Variants in PDE10A observed in about 807,000 individuals in gnomAD.
PDE10A encodes phosphodiesterase 10A, also known as cAMP and cAMP-inhibited cGMP 3',5'-cyclic phosphodiesterase 10A.
PDE10A carries 39 observed loss-of-function variants against 97.7 expected under a neutral mutation model. The ratio of observed to expected loss-of-function variants is 0.40; its 90% confidence interval spans 0.31 to 0.52. PDE10A has a LOEUF of 0.52. Among genes scored for constraint, PDE10A ranks in the 20% least tolerant of loss-of-function variants. The pLI, the probability that PDE10A is intolerant of heterozygous loss-of-function variation, is 0.56. For missense variants in PDE10A, 731 were observed against 1,047.8 expected, an observed-to-expected ratio of 0.70 and a Z score of 4.17; for synonymous variants, 371 against 376.8, an observed-to-expected ratio of 0.98 and a Z score of 0.18.
chr6:165,487,163 T>A (rs1303367946), intron 2 of PDE10A, among the ~76,000 whole-genome samples: 3 of 152,200 alleles, frequency 2.0e-5, no homozygotes, highest in Non-Finnish European at 2.9e-5. Context: ...TGAGACAACT[T>A]CAAATCTCCA....
chr6:165,650,586 C>T (rs1177485815), intron 1 of PDE10A, among the ~76,000 whole-genome samples: 1 of 152,196 alleles, frequency 6.6e-6, no homozygotes, highest in African/African-American at 2.4e-5. Context: ...TACACTGCTG[C>T]AAATGTTATT....
At chr6:165,584,217 C>G (rs1046897358) in intron 1 of PDE10A, among the ~76,000 whole-genome samples, 1 of 152,198 alleles carries the variant, frequency 6.6e-6, no homozygotes, top group Non-Finnish European at 1.5e-5. Flanking sequence ...GGTGCACAGT[C>G]AGTGCACTGC....
At chr6:165,850,824 A>T (rs1187462771) in intron 1 of PDE10A, among the ~76,000 whole-genome samples, 1 of 152,260 alleles carries the variant, frequency 6.6e-6, no homozygotes, top group African/African-American at 2.4e-5. Context: ...TTAAAGAATC[A>T]AGATTATTTT....
At chr6:165,860,059 G>C (rs971265784) in intron 1 of PDE10A, among the ~76,000 whole-genome samples, 1 of 152,188 alleles carries the variant, frequency 6.6e-6, no homozygotes, top group Non-Finnish European at 1.5e-5. Flanking sequence ...GGAAAGGGCA[G>C]AGGGATAAAA....
At chr6:165,716,336 G>A (rs1247504776) in intron 1 of PDE10A, among the ~76,000 whole-genome samples, 1 of 152,220 alleles carries the variant, frequency 6.6e-6, no homozygotes, top group East Asian at 1.9e-4. Flanking sequence ...GCCATGCAGA[G>A]AGGACACTTC....
chr6:165,674,369 A>T (rs1583761496), intron 1 of PDE10A, among the ~76,000 whole-genome samples: 1 of 151,038 alleles, frequency 6.6e-6, no homozygotes, highest in African/African-American at 2.4e-5. Context: ...GTCAGAATAG[A>T]CCTGGCCTTA....
At chr6:165,787,152 A>G (rs1275477752) in intron 1 of PDE10A, among the ~76,000 whole-genome samples, 1 of 152,202 alleles carries the variant, frequency 6.6e-6, no homozygotes, top group African/African-American at 2.4e-5. Flanking sequence ...AATTTAATAA[A>G]TTCCCCAAGT....
intron 1 of PDE10A, among the ~76,000 whole-genome samples, chr6:165,644,248 A>G (rs551217878): frequency 6.6e-6 from 1 of 152,086 alleles, no homozygotes; most frequent in South Asian, 2.1e-4. Flanking sequence ...TTAGTAGAGA[A>G]CGGGGTTTCA....
intron 1 of PDE10A, among the ~76,000 whole-genome samples, chr6:165,934,647 T>G (rs1423881550): frequency 6.6e-6 from 1 of 152,230 alleles, no homozygotes; most frequent in Non-Finnish European, 1.5e-5. Flanking sequence ...GAAAGCATAC[T>G]CTACCCAGTA....
In PDE10A at chr6:165,619,393, T is replaced by C. The variant is rs1170604877; in HGVS notation, c.865+42554A>G. Among the ~76,000 whole-genome samples, 25 of 126,766 alleles carry C rather than the reference T, an allele frequency of 2.0e-4. 1 individual carries two copies. The highest frequency in any genetic ancestry group is 1.7e-3 in the East Asian group (8 of 4,752). 83.2% of individuals were successfully genotyped at this position (126,766 alleles called of 152,430 possible). ...TGTGGTGTAGTGTAGTCTAGTATAG[T>C]GTAGTGTAGTGTAGTCTAGTGTAGT... On this transcript the variant is annotated intron_variant, in intron 1 of 21. Coordinates refer to ENST00000539869, the MANE Select transcript of PDE10A (RefSeq NM_001385079.1).
chr6:165,603,645 G>A (rs920188053), intron 1 of PDE10A, among the ~76,000 whole-genome samples: 1 of 152,236 alleles, frequency 6.6e-6, no homozygotes, highest in African/African-American at 2.4e-5. Flanking sequence ...GCGTCCCAGT[G>A]AGGACTCTGG....
intron 1 of PDE10A, among the ~76,000 whole-genome samples, chr6:165,749,168 A>G (rs1439646442): frequency 6.6e-6 from 1 of 152,018 alleles, no homozygotes; most frequent in Non-Finnish European, 1.5e-5. Flanking sequence ...CACCATCATC[A>G]CCACCATTAA....
chr6:165,485,911 T>C (rs184411754), intron 2 of PDE10A, among the ~76,000 whole-genome samples: 167 of 152,320 alleles, frequency 1.1e-3, no homozygotes, highest in African/African-American at 9.6e-5. Flanking sequence ...TCACTCTTAG[T>C]GGCTAACTGC....
At chr6:165,482,171 A>G (rs1367758898) in intron 3 of PDE10A, 144 bp downstream of exon 3, 2 of 706,004 alleles carry the variant, frequency 2.8e-6, no homozygotes, top group East Asian at 5.1e-5. Context: ...ACTTTATTCC[A>G]TATTAATGAG....
intron 1 of PDE10A, among the ~76,000 whole-genome samples, chr6:165,865,910 C>A (rs911173165): frequency 2.6e-5 from 4 of 152,062 alleles, no homozygotes; most frequent in South Asian, 2.1e-4. Context: ...AAGAGATATA[C>A]ACATCCAAAT....
intron 1 of PDE10A, among the ~76,000 whole-genome samples, chr6:165,768,962 C>T (rs754562610): frequency 2.0e-5 from 3 of 152,170 alleles, no homozygotes; most frequent in Non-Finnish European, 4.4e-5. Flanking sequence ...TAAAACGTGC[C>T]TACTTTCAAA....
chr6:165,795,385 G>T (rs1778801067), intron 1 of PDE10A, among the ~76,000 whole-genome samples: 1 of 151,816 alleles, frequency 6.6e-6, no homozygotes, highest in East Asian at 1.9e-4. Context: ...GTGAGTGACG[G>T]GAGCTACACG....
chr6:165,715,570 G>A (rs1036389727), intron 1 of PDE10A, among the ~76,000 whole-genome samples: 17 of 152,172 alleles, frequency 1.1e-4, no homozygotes, highest in Non-Finnish European at 2.1e-4. Flanking sequence ...GAAGGAGGAG[G>A]GAGAGGTGAA....
chr6:165,643,321 G>A (rs1392931895), intron 1 of PDE10A, among the ~76,000 whole-genome samples: 5 of 152,142 alleles, frequency 3.3e-5, no homozygotes, highest in African/African-American at 1.2e-4. Context: ...ATGGACAGAT[G>A]AGTATGTGGA....
Sources: allele counts gnomAD v4.1 joint callset (sites outside exome capture counted in the v4.1 genomes callset), GRCh38; gene constraint gnomAD v4.1.1; transcripts MANE v1.5; gene names NCBI Gene and HGNC (gene_info 2026-07-23, HGNC 2026-07-21).